The following PLEKHA6 variants were observed in gnomAD, a reference collection of about 807,000 sequenced individuals.
The protein encoded by PLEKHA6 is pleckstrin homology domain-containing family A member 6.
PLEKHA6 carries 60 observed loss-of-function variants against 116.7 expected under a neutral mutation model. The ratio of observed to expected loss-of-function variants is 0.51; its 90% CI spans 0.42 to 0.64. The LOEUF is 0.64. Among genes scored for constraint, PLEKHA6 ranks in the 30% least tolerant of loss-of-function variants. The pLI is 0.00. For synonymous variants in PLEKHA6, 489 were observed against 556.1 expected (o/e 0.88, Z 1.70); for missense variants, 1,338 against 1,422.7 (o/e 0.94, Z 0.96).
At position 204,228,652 on chromosome 1, in the gene PLEKHA6, C is replaced by G. The variant is rs1335254599; in HGVS notation, c.2885+76G>C. 7.0e-7 allele frequency: 1 copy of G among 1,430,258 alleles called. No individual in the cohort carries two copies. The highest frequency in any genetic ancestry group is 9.8e-7 in the Non-Finnish European group (1 of 1,016,598). The allele number at this position is 1,430,258 out of a possible 1,614,324, so 88.6% of individuals were successfully genotyped here. On this transcript the variant is annotated intron_variant, in intron 20 of 22. Coordinates refer to ENST00000272203, the MANE Select transcript of PLEKHA6 (RefSeq NM_014935.5). This position sits in a 1 kb window ranked among gnomAD's most constrained non-coding sequence, Gnocchi z 4.0. Reference sequence around the variant, plus strand: ...CTCCCCTGGGGAGGCTCTGTGCCCCCAACGACTTCTAGTGGCCCAGGTGTC... The same window carrying G: ...CTCCCCTGGGGAGGCTCTGTGCCCCGAACGACTTCTAGTGGCCCAGGTGTC...
chr1:204,260,359 T>C (rs1665948850), intron 7 of PLEKHA6, among the ~76,000 whole-genome samples: 1 of 152,206 alleles, frequency 6.6e-6, no homozygotes, highest in African/African-American at 2.4e-5. Flanking sequence ...GCTAGTTCCC[T>C]TCTCCAAAAC....
rs565978290 is a variant in PLEKHA6, at chr1:204,353,378, T to A, written c.-95+6316A>T. On this transcript the variant is annotated intron_variant, in intron 1 of 22. Coordinates refer to ENST00000272203, the MANE Select transcript of PLEKHA6 (RefSeq NM_014935.5). ...TGCTCCTTGGGGCCTAACCCTCCCATCCAAAGCTTCATATATCCAACCAAC... is the reference window on the plus strand; with the variant it reads ...TGCTCCTTGGGGCCTAACCCTCCCAACCAAAGCTTCATATATCCAACCAAC... Among the ~76,000 whole-genome samples, 12 of 152,322 alleles carry A rather than the reference T, an allele frequency of 7.9e-5. No individual in the cohort carries two copies. The South Asian group carries it at 2.5e-3, about 32-fold the overall frequency.
At position 204,257,949 on chromosome 1, in the gene PLEKHA6, C is replaced by T. The variant is rs977633148; in HGVS notation, c.1008-80G>A. ...CACCCCAGCCCCACCTCCAGGTCCC[C>T]CAGCCTAGAGCAGGGTGCTTGAATA... is the stretch of plus-strand genomic sequence containing the variant. On this transcript the variant is annotated intron_variant, in intron 8 of 22. Transcript: ENST00000272203. The surrounding 1 kb of genome is among the most constrained non-coding windows in gnomAD (Gnocchi z 6.5). 5.9e-6 allele frequency: 8 copies of T among 1,352,410 alleles called. No individual in the cohort carries two copies. The highest frequency in any genetic ancestry group is 8.2e-6 in the Non-Finnish European group (8 of 979,504). The allele number at this position is 1,352,410 out of a possible 1,614,324, so 83.8% of individuals were successfully genotyped here.
At chr1:204,291,449 A>G (rs1316252707) in intron 1 of PLEKHA6, among the ~76,000 whole-genome samples, 1 of 152,240 alleles carries the variant, frequency 6.6e-6, no homozygotes, top group East Asian at 1.9e-4. Context: ...AAAGGAAAGC[A>G]TATGTCCACA....
chr1:204,279,719 C>T (rs1181680512), intron 1 of PLEKHA6, among the ~76,000 whole-genome samples: 2 of 152,104 alleles, frequency 1.3e-5, no homozygotes, highest in African/African-American at 4.8e-5. Flanking sequence ...GATGGCAGTG[C>T]CATCAGTGGA....
rs1671497980 is a variant in PLEKHA6, at chr1:204,308,604, GGTAGGCACTCA to G, written c.-94-33806_-94-33796del. Reference sequence around the variant, plus strand: ...AGGTAACATGTATACAGGGGCACATGGTAGGCACTCAGTAAATGCCCATTGCTCTTCCCACT... The same window carrying G: ...AGGTAACATGTATACAGGGGCACATGGTAAATGCCCATTGCTCTTCCCACT... On this transcript the variant is annotated intron_variant, in intron 1 of 22. Transcript: ENST00000272203. Among the ~76,000 whole-genome samples, 5 of 151,638 alleles carry G rather than the reference GGTAGGCACTCA, an allele frequency of 3.3e-5. No individual in the cohort carries two copies. The South Asian group carries it at 1.0e-3, about 31-fold the overall frequency.
chr1:204,362,103 C>T (rs1199436055), upstream of PLEKHA6, among the ~76,000 whole-genome samples: 1 of 152,098 alleles, frequency 6.6e-6, no homozygotes, highest in African/African-American at 2.4e-5. Context: ...AAGGGAGGGT[C>T]GGTGTGGGGT....
chr1:204,310,804 G>A (rs1483834301), intron 1 of PLEKHA6, among the ~76,000 whole-genome samples: 1 of 152,186 alleles, frequency 6.6e-6, no homozygotes, highest in Admixed American at 6.5e-5. Flanking sequence ...ATGCAGCAGG[G>A]AGAGTACACA....
rs61156938 is a variant in PLEKHA6, at chr1:204,234,954, TTATATATA to T, written c.2410-4376_2410-4369del. On this transcript the variant is annotated intron_variant, in intron 17 of 22. Coordinates refer to ENST00000272203, the MANE Select transcript of PLEKHA6 (RefSeq NM_014935.5). ...AAGTTAATACTTAATAAACTGCCCT[TTATATATA>T]TATATATATATATATATATATATAT... Among the ~76,000 whole-genome samples the T allele has an allele frequency of 5.4e-3, 100 of 18,480 alleles. 1 individual carries two copies. Among genetic ancestry groups the T allele is most frequent in the Non-Finnish European group, 6.1e-3 (61 of 9,942 alleles). 12.1% of individuals were successfully genotyped at this position (18,480 alleles called of 152,430 possible).
intron 1 of PLEKHA6, among the ~76,000 whole-genome samples, chr1:204,353,620 G>A (rs903152714): frequency 4.6e-5 from 7 of 152,154 alleles, no homozygotes; most frequent in African/African-American, 1.7e-4. Flanking sequence ...GGACTTTCAG[G>A]TCGCATTGCT....
chr1:204,247,319 CT>C (rs777153262), intron 13 of PLEKHA6, 45 bp downstream of exon 13: 1 of 1,215,846 alleles, frequency 8.2e-7, no homozygotes, highest in South Asian at 1.2e-5. Flanking sequence ...AACTCCTCAT[CT>C]TTAGTCACAT....
At chr1:204,298,244 G>A (rs1327714279) in intron 1 of PLEKHA6, among the ~76,000 whole-genome samples, 1 of 152,192 alleles carries the variant, frequency 6.6e-6, no homozygotes, top group African/African-American at 2.4e-5. Flanking sequence ...GTGGGCCTGA[G>A]TCTTCCTTGT....
chr1:204,361,914 C>T (rs1488880859), upstream of PLEKHA6, among the ~76,000 whole-genome samples: 1 of 152,246 alleles, frequency 6.6e-6, no homozygotes, highest in African/African-American at 2.4e-5. Flanking sequence ...CAAGCCCCCA[C>T]AATCCTCAGG....
At chr1:204,246,441 CTG>C (rs1437706017) in intron 13 of PLEKHA6, among the ~76,000 whole-genome samples, 1 of 152,322 alleles carries the variant, frequency 6.6e-6, no homozygotes, top group South Asian at 2.1e-4. Context: ...ACTAAAATGT[CTG>C]TGTTTCAAGT....
At chr1:204,358,979 C>T (rs946356945) in intron 1 of PLEKHA6, among the ~76,000 whole-genome samples, 2 of 150,892 alleles carry the variant, frequency 1.3e-5, no homozygotes, top group African/African-American at 4.9e-5. Context: ...TCTGGCCAGT[C>T]CCCCAACTGT....
chr1:204,323,858 A>G lies in PLEKHA6; in HGVS notation c.-95+35836T>C, dbSNP rs116668254. On this transcript the variant is annotated intron_variant, in intron 1 of 22. Coordinates refer to ENST00000272203, the MANE Select transcript of PLEKHA6 (RefSeq NM_014935.5). ...TATGACCTCTGTTTTAAGATGAGGA[A>G]CCTGAGACAAAATCAGGTTAAATAT... Among the ~76,000 whole-genome samples the G allele has an allele frequency of 8.9e-3, 1,353 of 152,342 alleles. 20 individuals carry two copies. The highest frequency in any genetic ancestry group is 0.03 in the African/African-American group (1,237 of 41,568).
At chr1:204,359,185 C>T (rs1673498288) in intron 1 of PLEKHA6, among the ~76,000 whole-genome samples, 1 of 152,092 alleles carries the variant, frequency 6.6e-6, no homozygotes, top group African/African-American at 2.4e-5. Flanking sequence ...AATCCAAGAG[C>T]CTCTGTCACC....
Position 204,261,521 on chromosome 1 carries a change from G to T in PLEKHA6, c.382-73C>A. ...AGCACACAGTCACCTGTTGGGAGAA[G>T]ACACCAACGCCCACAGAATGGGCAG... On this transcript the variant is annotated intron_variant, in intron 6 of 22. Transcript: ENST00000272203. The surrounding 1 kb of genome is among the most constrained non-coding windows in gnomAD (Gnocchi z 4.0). 1 of 1,483,772 alleles carries T rather than the reference G, an allele frequency of 6.7e-7. No individual in the cohort carries two copies. Among genetic ancestry groups the T allele is most frequent in the African/African-American group, 1.4e-5 (1 of 71,288 alleles). The allele number at this position is 1,483,772 out of a possible 1,614,324, so 91.9% of individuals were successfully genotyped here. A position where few individuals can be genotyped will look rare whatever the true frequency, so the allele number is the denominator to read the frequency against.
intron 17 of PLEKHA6, among the ~76,000 whole-genome samples, chr1:204,234,643 G>A (rs1215943045): frequency 6.6e-6 from 1 of 152,094 alleles, no homozygotes; most frequent in Non-Finnish European, 1.5e-5. Flanking sequence ...GGGTGTGTCT[G>A]TGAAGGTGTT....
Sources: gnomAD v4.1 joint callset for allele counts (sites outside exome capture counted in the v4.1 genomes callset) on GRCh38, gnomAD v4.1.1 for gene constraint, Gnocchi (gnomAD v3.1) non-coding constraint, MANE v1.5 for transcripts, NCBI Gene and HGNC (gene_info 2026-07-23, HGNC 2026-07-21) for gene names.